The following ARHGEF12 variants were observed in gnomAD, a reference collection of about 807,000 sequenced individuals.
ARHGEF12 encodes Rho guanine nucleotide exchange factor 12.
Under a neutral mutation model 211.2 loss-of-function variants are expected in ARHGEF12, and 66 were observed. The observed-to-expected ratio is 0.31, with a 90% CI of 0.26 to 0.38. ARHGEF12 has a LOEUF of 0.38. ARHGEF12 is among the 10% of genes least tolerant of loss of function. The pLI, the probability that ARHGEF12 is intolerant of heterozygous loss-of-function variation, is 1.00. For missense variants in ARHGEF12, 1,429 were observed against 1,869.5 expected (o/e 0.76, Z 4.34); for synonymous variants, 592 against 638.4 (o/e 0.93, Z 1.09).
Position 120,465,275 on chromosome 11 carries a change from T to C in ARHGEF12, c.2652T>C (p.Ala884=), listed in dbSNP as rs1205301646. The C allele has an allele frequency of 6.2e-7, 1 of 1,614,162 alleles. No homozygotes were observed. Among genetic ancestry groups the C allele is most frequent in the South Asian group, 1.1e-5 (1 of 91,076 alleles). The change falls in exon 28 of 41, where the codon GCT becomes GCC. Residue 884 remains alanine, a synonymous_variant. Coordinates refer to ENST00000397843, the MANE Select transcript of ARHGEF12 (RefSeq NM_015313.3). ...GPGEEKLKHA[A]ATFCSNQPFA... is the part of the protein sequence containing the mutation. ...GAGAGGAGAAATTGAAACATGCTGCTGCTACCTTTTGCAGTAACCAACCTT... is the reference window on the plus strand; with the variant it reads ...GAGAGGAGAAATTGAAACATGCTGCCGCTACCTTTTGCAGTAACCAACCTT...
chr11:120,371,534 C>G (rs933955389), intron 1 of ARHGEF12, among the ~76,000 whole-genome samples: 4 of 152,086 alleles, frequency 2.6e-5, no homozygotes, highest in Non-Finnish European at 5.9e-5. Context: ...AATACATAAA[C>G]TTATTATTTT....
chr11:120,404,575 T>C (rs1294089071), intron 1 of ARHGEF12, among the ~76,000 whole-genome samples: 3 of 152,208 alleles, frequency 2.0e-5, no homozygotes, highest in East Asian at 3.9e-4. Context: ...TTTCCTCTCC[T>C]TTTTCATTAC....
intron 18 of ARHGEF12, 110 bp downstream of exon 18, chr11:120,447,195 C>T (rs879072469): frequency 2.3e-5 from 28 of 1,229,226 alleles, no homozygotes; most frequent in African/African-American, 1.7e-4. Context: ...TATGTGGAGC[C>T]GTTTATTTTG....
At chr11:120,469,159 C>T in intron 29 of ARHGEF12, 129 bp from the exon 30 acceptor site, 1 of 671,320 alleles carries the variant, frequency 1.5e-6, no homozygotes, top group Non-Finnish European at 2.4e-6. Context: ...AGGCTTTAAG[C>T]TGGTACAAAA....
At position 120,347,956 on chromosome 11, in the gene ARHGEF12, G is replaced by C. The variant is rs531399218; in HGVS notation, c.32+10681G>C. Among the ~76,000 whole-genome samples, 8 of 152,170 alleles carry C rather than the reference G, an allele frequency of 5.3e-5. No individual in the cohort carries two copies. The East Asian group carries it at 7.7e-4, about 15-fold the overall frequency. ...AAATAATTATTGTATATAACATGAT[G>C]GAAATATTTTAGTATAGTACCACTA... is the stretch of plus-strand genomic sequence containing the variant. On this transcript the variant is annotated intron_variant, in intron 1 of 40. Coordinates refer to ENST00000397843, the MANE Select transcript of ARHGEF12 (RefSeq NM_015313.3).
At chr11:120,420,048 A>G (rs1945138352) in intron 4 of ARHGEF12, among the ~76,000 whole-genome samples, 1 of 151,860 alleles carries the variant, frequency 6.6e-6, no homozygotes, top group Non-Finnish European at 1.5e-5. Context: ...GCTGTTTAGA[A>G]GAAACACAAA....
intron 30 of ARHGEF12, among the ~76,000 whole-genome samples, chr11:120,471,925 A>G (rs138970110): frequency 1.3e-5 from 2 of 152,348 alleles, no homozygotes; most frequent in East Asian, 1.9e-4. Flanking sequence ...ATGTACAAAG[A>G]CATATATTTA....
intron 1 of ARHGEF12, among the ~76,000 whole-genome samples, chr11:120,370,505 A>G (rs1943559536): frequency 6.6e-6 from 1 of 152,112 alleles, no homozygotes; most frequent in African/African-American, 2.4e-5. Flanking sequence ...GGTTCCCTTA[A>G]AAGTTTTATT....
chr11:120,390,471 T>C (rs1432927520), intron 1 of ARHGEF12, among the ~76,000 whole-genome samples: 1 of 152,226 alleles, frequency 6.6e-6, no homozygotes, highest in African/African-American at 2.4e-5. Context: ...CATGTTTCTC[T>C]TTAAATATAT....
In ARHGEF12 at chr11:120,478,235, G is replaced by A. The variant is rs781624590; in HGVS notation, c.3612G>A (p.Glu1204=). The change falls in exon 37 of 41, where the codon GAG becomes GAA. Residue 1204 remains glutamate (E), a synonymous_variant. Coordinates refer to ENST00000397843, the MANE Select transcript of ARHGEF12 (RefSeq NM_015313.3). The part of the protein sequence containing the change: ...SHSLSTSGKS[E]VRDLFVAERQ... ...CACTGAGTACCTCTGGGAAATCAGAGGTACGTGATCTGTTTGTGGCTGAGA... is the reference window on the plus strand; with the variant it reads ...CACTGAGTACCTCTGGGAAATCAGAAGTACGTGATCTGTTTGTGGCTGAGA... The A allele has an allele frequency of 2.5e-6, 4 of 1,614,012 alleles. No individual in the cohort carries two copies. The highest frequency in any genetic ancestry group is 2.7e-5 in the African/African-American group (2 of 74,910).
intron 5 of ARHGEF12, among the ~76,000 whole-genome samples, chr11:120,421,235 T>G (rs894199315): frequency 6.6e-6 from 1 of 152,194 alleles, no homozygotes; most frequent in Non-Finnish European, 1.5e-5. Flanking sequence ...TGATAATATT[T>G]TCTACTGCTG....
intron 1 of ARHGEF12, among the ~76,000 whole-genome samples, chr11:120,352,316 C>T (rs1481637360): frequency 6.6e-6 from 1 of 152,034 alleles, no homozygotes; most frequent in Non-Finnish European, 1.5e-5. Context: ...AGATCATTTT[C>T]CATCATAATT....
chr11:120,377,251 T>C lies in ARHGEF12; in HGVS notation c.33-28867T>C, dbSNP rs1943751725. 4.6e-5 allele frequency among the ~76,000 whole-genome samples: 7 copies of C among 152,316 alleles called. No homozygotes were observed. In the South Asian group the frequency reaches 1.4e-3, roughly 32 times the overall value. ...TAACATTTCCATCACCCCAAAAAAT[T>C]GTCTCTGCTTTCTGTCACAATAGTT... On this transcript the variant is annotated intron_variant, in intron 1 of 40. Transcript: ENST00000397843.
intron 1 of ARHGEF12, among the ~76,000 whole-genome samples, chr11:120,366,549 CT>C (rs757780212): frequency 1.2e-4 from 18 of 152,148 alleles, no homozygotes; most frequent in Admixed American, 2.0e-4. Context: ...TATGGAGTTC[CT>C]TTTTCTTCCA....
intron 31 of ARHGEF12, 128 bp downstream of exon 31, chr11:120,473,255 T>G (rs1946925928): frequency 1.2e-6 from 1 of 821,334 alleles, no homozygotes; most frequent in Non-Finnish European, 1.9e-6. Flanking sequence ...TATCTGTATT[T>G]ATGATTTTTT....
chr11:120,478,216 G>A lies in ARHGEF12; in HGVS notation c.3593G>A (p.Ser1198Asn). The A allele has an allele frequency of 6.2e-7, 1 of 1,614,104 alleles. No homozygotes were observed. The highest frequency in any genetic ancestry group is 1.3e-5 in the African/African-American group (1 of 75,026). Residue 1198 changes from serine (S) to asparagine (N), a missense_variant, in exon 37 of 41, where the codon AGT (serine) becomes AAT (asparagine). By Grantham distance (46) the Ser-to-Asn change is conservative (BLOSUM62 1). Transcript: ENST00000397843. ...TCAAAACCTCAGTCTCATTCACTGA[G>A]TACCTCTGGGAAATCAGAGGTACGT... ...ISSKPQSHSLSTSGKSEVRDL... is the reference protein window; with the variant it reads ...ISSKPQSHSLNTSGKSEVRDL...
chr11:120,422,319 C>A (rs186555858), intron 6 of ARHGEF12, among the ~76,000 whole-genome samples: 1 of 152,298 alleles, frequency 6.6e-6, no homozygotes, highest in Non-Finnish European at 1.5e-5. Flanking sequence ...GTATTACCAG[C>A]TACTCAGGAG....
intron 20 of ARHGEF12, 27 bp downstream of exon 20, chr11:120,448,375 G>T (rs1338625130): frequency 3.2e-6 from 5 of 1,568,816 alleles, no homozygotes; most frequent in Non-Finnish European, 3.5e-6. Flanking sequence ...GTAATAGCAT[G>T]TTCAGGCCTT....
At chr11:120,402,085 AGAGG>A (rs764336538) in intron 1 of ARHGEF12, among the ~76,000 whole-genome samples, 2 of 152,192 alleles carry the variant, frequency 1.3e-5, no homozygotes, top group Non-Finnish European at 2.9e-5. Flanking sequence ...AGATGCTTAA[AGAGG>A]TTAAGCAACT....
Sources: allele counts gnomAD v4.1 joint callset (sites outside exome capture counted in the v4.1 genomes callset), GRCh38; gene constraint gnomAD v4.1.1; transcripts MANE v1.5; gene names NCBI Gene and HGNC (gene_info 2026-07-23, HGNC 2026-07-21).